Variants in CDON observed in about 807,000 individuals in gnomAD.
CDON encodes cell adhesion associated, oncogene regulated, also known as cell adhesion molecule-related/down-regulated by oncogenes.
In CDON, 73 loss-of-function variants were observed where a neutral mutation model predicts 120.9. That is an observed-to-expected ratio of 0.60 (90% confidence interval 0.50 to 0.73). The LOEUF (loss-of-function observed/expected upper bound fraction) is 0.73, where lower values mean the gene tolerates loss of function less well. CDON is among the 30% of genes least tolerant of loss of function. The pLI, the probability that CDON is intolerant of heterozygous loss-of-function variation, is 0.00. For missense variants in CDON, 1,470 were observed against 1,587.3 expected (o/e 0.93, Z 1.26); for synonymous variants, 566 against 573.5 (o/e 0.99, Z 0.19).
chr11:125,962,805 C>A (rs1295273923), intron 18 of CDON, among the ~76,000 whole-genome samples: 1 of 152,018 alleles, frequency 6.6e-6, no homozygotes, highest in East Asian at 1.9e-4. Flanking sequence ...GTCTTTTGTA[C>A]CGGCTCTGTT....
At chr11:125,991,689 T>A (rs1477826986) in intron 14 of CDON, among the ~76,000 whole-genome samples, 1 of 152,000 alleles carries the variant, frequency 6.6e-6, no homozygotes, top group African/African-American at 2.4e-5. Flanking sequence ...AAAGGATGAA[T>A]ACTTCTGTTC....
At chr11:125,962,642 T>A (rs1945676112) in intron 18 of CDON, among the ~76,000 whole-genome samples, 2 of 151,984 alleles carry the variant, frequency 1.3e-5, no homozygotes, top group South Asian at 4.1e-4. Flanking sequence ...ATGTGTGTTT[T>A]CTTTAATTTT....
chr11:126,061,205 C>T (rs555095846), intron 1 of CDON, among the ~76,000 whole-genome samples: 1 of 152,094 alleles, frequency 6.6e-6, no homozygotes, highest in Non-Finnish European at 1.5e-5. Context: ...AAACACACAC[C>T]CAGGGCACGT....
At position 126,010,622 on chromosome 11, in the gene CDON, A is replaced by T; in HGVS notation, c.1271T>A (p.Leu424Gln). ...AKVADGDFVT[L>Q]SCNASGLPVP... ...CGGCAGCCCACTGGCATTGCAGGAC[A>T]GAGTAACAAAGTCTCCGTCTGCAAC... Residue 424 changes from leucine to glutamine, a missense_variant, in exon 8 of 20, where the codon CTG becomes CAG. By Grantham distance (113) the Leu-to-Gln change is moderately radical. Coordinates refer to ENST00000531738, the MANE Select transcript of CDON (RefSeq NM_001378964.1). 6.2e-7 allele frequency: 1 copy of T among 1,614,232 alleles called. No individual in the cohort carries two copies. The highest frequency in any genetic ancestry group is 8.5e-7 in the Non-Finnish European group (1 of 1,180,030).
chr11:125,990,705 T>G (rs1447274541), intron 14 of CDON, among the ~76,000 whole-genome samples: 2 of 152,198 alleles, frequency 1.3e-5, no homozygotes, highest in Admixed American at 6.5e-5. Flanking sequence ...TCTACTTGGC[T>G]GAACAGGACC....
intron 1 of CDON, among the ~76,000 whole-genome samples, chr11:126,043,047 A>G (rs1010140849): frequency 1.3e-5 from 2 of 152,210 alleles, no homozygotes; most frequent in Non-Finnish European, 2.9e-5. Flanking sequence ...CTAAGTAACA[A>G]AAGAACCAGA....
intron 18 of CDON, 109 bp from the exon 19 acceptor site, chr11:125,962,107 A>C (rs1438219854): frequency 1.2e-6 from 1 of 846,440 alleles, no homozygotes; most frequent in East Asian, 2.6e-5. Flanking sequence ...GACTCTTAAG[A>C]AAGAGTGATG....
intron 1 of CDON, among the ~76,000 whole-genome samples, chr11:126,048,357 C>T (rs1033300648): frequency 1.3e-5 from 2 of 151,832 alleles, no homozygotes; most frequent in Non-Finnish European, 2.9e-5. Context: ...TACAGTGTTG[C>T]CAAGAACACT....
rs764436173 is a variant in CDON at position 126,019,647 on chromosome 11, G to T, written c.468C>A (p.Ile156=). The change falls in exon 4 of 20, where the codon ATC becomes ATA. Residue 156 remains isoleucine (I), a synonymous_variant. Coordinates refer to ENST00000531738, the MANE Select transcript of CDON (RefSeq NM_001378964.1). ...TGGAATGTTCCAGCCATTTTCCCCG[G>T]ATTTTATAGCGCACCTCAGCTTTGG... ...SNPKAEVRYK[I]RGKWLEHSTE... is the part of the protein sequence containing the mutation. 1.1e-5 allele frequency: 17 copies of T among 1,613,906 alleles called. No homozygotes were observed. The highest frequency in any genetic ancestry group is 1.4e-5 in the Non-Finnish European group (16 of 1,180,010).
Position 126,010,577 on chromosome 11 carries a change from T to C in CDON, c.1316A>G (p.Tyr439Cys), listed in dbSNP as rs1166680054. The change falls in exon 8 of 20, where the codon TAT becomes TGT. Residue 439 changes from tyrosine (Y) to cysteine (C), a missense_variant. Tyr to Cys is a radical substitution (Grantham distance 194). Coordinates refer to ENST00000531738, the MANE Select transcript of CDON (RefSeq NM_001378964.1). ...GCTGGTTATCAATCCATGGCTGTCA[T>C]ACCAACGAATGACCGGAACCGGCAG... ...SGLPVPVIRWYDSHGLITSHP... is the reference protein window; with the variant it reads ...SGLPVPVIRWCDSHGLITSHP... 12 of 1,613,974 alleles carry C rather than the reference T, an allele frequency of 7.4e-6. No individual in the cohort carries two copies. The highest frequency in any genetic ancestry group is 1.1e-5 in the South Asian group (1 of 91,080).
chr11:125,995,083 C>T (rs750499600), intron 12 of CDON, 31 bp from the exon 13 acceptor site: 123 of 1,576,592 alleles, frequency 7.8e-5, no homozygotes, highest in Middle Eastern at 1.8e-4. Context: ...AAACAAACAA[C>T]AACAACAAAA....
intron 10 of CDON, among the ~76,000 whole-genome samples, chr11:126,002,146 T>C (rs1946964978): frequency 1.3e-5 from 2 of 152,228 alleles, no homozygotes; most frequent in Non-Finnish European, 2.9e-5. Flanking sequence ...TTCAAACTAT[T>C]AGTCCATTTT....
rs550745904 is a variant in CDON, at chr11:125,999,404, G to A, written c.2159-1994C>T. On this transcript the variant is annotated intron_variant, in intron 11 of 19. Coordinates refer to ENST00000531738, the MANE Select transcript of CDON (RefSeq NM_001378964.1). ...TAGAAGCGGACTTGGGTAGCAAGCC[G>A]TTTCTCCACTTTCTGGACGATCTGA... Among the ~76,000 whole-genome samples, 4 of 152,288 alleles carry A rather than the reference G, an allele frequency of 2.6e-5. No individual in the cohort carries two copies. The South Asian group carries it at 8.3e-4, about 32-fold the overall frequency.
chr11:126,060,958 G>A (rs1300038941), intron 1 of CDON, among the ~76,000 whole-genome samples: 1 of 152,216 alleles, frequency 6.6e-6, no homozygotes, highest in Non-Finnish European at 1.5e-5. Flanking sequence ...AGCTGTTTAA[G>A]TACTTTGCAC....
intron 14 of CDON, among the ~76,000 whole-genome samples, chr11:125,991,273 C>T (rs1209375837): frequency 2.0e-5 from 3 of 152,106 alleles, no homozygotes; most frequent in Non-Finnish European, 4.4e-5. Context: ...TTTTACTGAT[C>T]ATTGATGAAT....
intron 1 of CDON, among the ~76,000 whole-genome samples, chr11:126,047,177 A>G (rs552229949): frequency 3.9e-5 from 6 of 152,162 alleles, no homozygotes; most frequent in Non-Finnish European, 8.8e-5. Context: ...TCTTATAAAA[A>G]TCAGTGTTAT....
intron 1 of CDON, among the ~76,000 whole-genome samples, chr11:126,055,587 C>T (rs2134948999): frequency 6.6e-6 from 1 of 152,154 alleles, no homozygotes; most frequent in East Asian, 1.9e-4. Flanking sequence ...TGATACCGGC[C>T]TTTCTCCTCC....
At chr11:125,967,225 A>G (rs1945829232) in intron 18 of CDON, among the ~76,000 whole-genome samples, 2 of 152,232 alleles carry the variant, frequency 1.3e-5, no homozygotes, top group Non-Finnish European at 1.5e-5. Flanking sequence ...AAGTATTTGT[A>G]TTGTCTGGAA....
At chr11:125,995,665 A>G (rs568671429) in intron 12 of CDON, among the ~76,000 whole-genome samples, 5 of 152,230 alleles carry the variant, frequency 3.3e-5, no homozygotes, top group Non-Finnish European at 5.9e-5. Context: ...ATCGGAACCT[A>G]AAGAATAAAT....
Sources: allele counts gnomAD v4.1 joint callset (sites outside exome capture counted in the v4.1 genomes callset), GRCh38; gene constraint gnomAD v4.1.1; transcripts MANE v1.5; gene names NCBI Gene and HGNC (gene_info 2026-07-23, HGNC 2026-07-21).